DMBT1: variants seen among roughly 807,000 people sequenced by gnomAD.
The protein encoded by DMBT1 is scavenger receptor cysteine-rich domain-containing protein DMBT1.
Under a neutral mutation model 252.9 loss-of-function variants are expected in DMBT1, and 198 were observed. The ratio of observed to expected loss-of-function variants is 0.78; its 90% CI spans 0.70 to 0.88. The LOEUF is 0.88. Among genes scored for constraint, DMBT1 ranks in the 40% least tolerant of loss-of-function variants. DMBT1 has a pLI of 0.00. For missense variants in DMBT1, 2,432 were observed against 2,404.7 expected, an observed-to-expected ratio of 1.01 and a Z score of -0.24; for synonymous variants, 990 against 942.7, an observed-to-expected ratio of 1.05 and a Z score of -0.92.
intron 4 of DMBT1, among the ~76,000 whole-genome samples, chr10:122,571,859 T>C (rs2097666920): frequency 6.6e-6 from 1 of 152,236 alleles, no homozygotes; most frequent in African/African-American, 2.4e-5. Context: ...TGCAGCCACC[T>C]TTTTGAGTGG....
chr10:122,618,596 G>A (rs538145143), intron 41 of DMBT1, among the ~76,000 whole-genome samples: 1 of 152,334 alleles, frequency 6.6e-6, no homozygotes, highest in South Asian at 2.1e-4. Context: ...CAAGGAAGAG[G>A]CAGAAGAGAA....
chr10:122,567,457 G>A (rs1180215463), intron 2 of DMBT1, among the ~76,000 whole-genome samples: 1 of 152,186 alleles, frequency 6.6e-6, no homozygotes, highest in Admixed American at 6.5e-5. Context: ...GTACTTTGGG[G>A]ATACCCTGAA....
At chr10:122,570,235 G>A (rs2133521197) in intron 3 of DMBT1, 26 bp downstream of exon 3, 1 of 1,531,396 alleles carries the variant, frequency 6.5e-7, no homozygotes, top group South Asian at 1.1e-5. Flanking sequence ...GGGGAACCCT[G>A]TGGGCTCATT....
chr10:122,591,518 G>C lies in DMBT1; in HGVS notation c.2176+1G>C, dbSNP rs1364139037. On this transcript the variant is annotated splice_donor_variant, in intron 19 of 55. Coordinates refer to ENST00000338354, the MANE Select transcript of DMBT1 (RefSeq NM_001377530.1). LOFTEE classifies it high-confidence loss of function. ...ATCACGTTACCTCCATCGACAGTAGGTAAATAATCCTCTCACCCCTCCCTA... is the reference window on the plus strand; with the variant it reads ...ATCACGTTACCTCCATCGACAGTAGCTAAATAATCCTCTCACCCCTCCCTA... 1.3e-6 allele frequency: 2 copies of C among 1,585,614 alleles called. No homozygotes were observed. Among genetic ancestry groups the C allele is most frequent in the African/African-American group, 1.3e-5 (1 of 74,638 alleles).
rs188804375 is a variant in DMBT1 at position 122,622,949 on chromosome 10, C to A, written c.5608+1569C>A. Among the ~76,000 whole-genome samples, 244 of 152,278 alleles carry A rather than the reference C, an allele frequency of 1.6e-3. 1 individual carries two copies. The highest frequency in any genetic ancestry group is 2.4e-3 in the Non-Finnish European group (162 of 68,028). ...GTTACCCCTCTATCCTGAGATGGAA[C>A]CTTCCCTCTCCCTGGCTGTTGCCCA... On this transcript the variant is annotated intron_variant, in intron 44 of 55. Transcript: ENST00000338354.
intron 48 of DMBT1, 22 bp downstream of exon 48, chr10:122,630,512 C>T (rs1452591214): frequency 6.2e-7 from 1 of 1,609,944 alleles, no homozygotes; most frequent in Admixed American, 1.7e-5. Flanking sequence ...CTAGACCATG[C>T]CTATGAGGCT....
chr10:122,589,877 A>G (rs2097832547), intron 17 of DMBT1, among the ~76,000 whole-genome samples: 1 of 148,698 alleles, frequency 6.7e-6, no homozygotes, highest in East Asian at 2.1e-4. Flanking sequence ...TGACCCAGAC[A>G]TGGCACATCA....
At chr10:122,618,822 G>A (rs186317553) in intron 41 of DMBT1, among the ~76,000 whole-genome samples, 89 of 152,366 alleles carry the variant, frequency 5.8e-4, no homozygotes, top group Non-Finnish European at 1.1e-3. Flanking sequence ...ATGCATGTCT[G>A]TTTGTGTCAG....
chr10:122,636,211 T>C lies in DMBT1; in HGVS notation c.6757+12T>C. 1.9e-6 allele frequency: 3 copies of C among 1,606,172 alleles called. No homozygotes were observed. Among genetic ancestry groups the C allele is most frequent in the Non-Finnish European group, 2.6e-6 (3 of 1,173,670 alleles). Reference sequence around the variant, plus strand: ...CAATGACAGCACCAGTAAGTCCCCTTGTGGAAATGCTCTGTTGGGACTGGG... The same window carrying C: ...CAATGACAGCACCAGTAAGTCCCCTCGTGGAAATGCTCTGTTGGGACTGGG... On this transcript the variant is annotated intron_variant, in intron 53 of 55. Coordinates refer to ENST00000338354, the MANE Select transcript of DMBT1 (RefSeq NM_001377530.1).
At chr10:122,617,086 C>G in intron 39 of DMBT1, 142 bp from the exon 40 acceptor site, 1 of 1,010,076 alleles carries the variant, frequency 9.9e-7, no homozygotes, top group African/African-American at 1.6e-5. Context: ...CAGAGGAGAC[C>G]TGGGAAGACA....
chr10:122,627,549 G>A (rs1304680349), intron 46 of DMBT1, among the ~76,000 whole-genome samples: 1 of 152,172 alleles, frequency 6.6e-6, no homozygotes, highest in Admixed American at 6.5e-5. Flanking sequence ...TAGTTAAACG[G>A]TTACTAATTG....
chr10:122,569,753 G>A (rs1196801903), intron 2 of DMBT1, among the ~76,000 whole-genome samples: 6 of 152,144 alleles, frequency 3.9e-5, no homozygotes, highest in South Asian at 2.1e-4. Context: ...GTATTCTTTC[G>A]AAACCACCTT....
rs1466832083 is a variant in DMBT1, at chr10:122,573,879, G to A, written c.283+117G>A. 3.0e-6 allele frequency: 4 copies of A among 1,313,330 alleles called. No homozygotes were observed. In the African/African-American group the frequency reaches 4.4e-5, roughly 14 times the overall value. The allele number at this position is 1,313,330 out of a possible 1,614,324, so 81.4% of individuals were successfully genotyped here. On this transcript the variant is annotated intron_variant, in intron 6 of 55. Coordinates refer to ENST00000338354, the MANE Select transcript of DMBT1 (RefSeq NM_001377530.1). ...AAAGTAGGGTGCTTAGCTCCCACGA[G>A]GGGCCCTTCCACAAAAGGCCTCAGG... is the stretch of plus-strand genomic sequence containing the variant.
chr10:122,618,143 A>G lies in DMBT1; in HGVS notation c.5018A>G (p.Asn1673Ser), dbSNP rs775911634. The part of the protein sequence containing the change: ...CDDYWDTNDA[N>S]VVCRQLGCGW... Reference sequence around the variant, plus strand: ...GACTACTGGGACACCAATGATGCCAACGTGGTCTGCAGGCAGCTGGGCTGT... The same window carrying G: ...GACTACTGGGACACCAATGATGCCAGCGTGGTCTGCAGGCAGCTGGGCTGT... Residue 1673 changes from asparagine (N) to serine (S), a missense_variant, in exon 41 of 56, where the codon AAC becomes AGC. Asn to Ser is a conservative substitution (Grantham distance 46). Around this residue, in one of 3 missense-constraint regions of DMBT1, gnomAD observed 1,162 missense variants for 1,169.0 expected, o/e 0.99. Coordinates refer to ENST00000338354, the MANE Select transcript of DMBT1 (RefSeq NM_001377530.1). 2.5e-6 allele frequency: 4 copies of G among 1,613,994 alleles called. No homozygotes were observed. The East Asian group carries it at 6.7e-5, about 27-fold the overall frequency.
intron 51 of DMBT1, 126 bp from the exon 52 acceptor site, chr10:122,633,065 T>G (rs2098179219): frequency 6.7e-7 from 1 of 1,495,408 alleles, no homozygotes; most frequent in Admixed American, 2.2e-5. Flanking sequence ...CTCTTGCTCT[T>G]ACTTGGTTTC....
chr10:122,586,461 C>T (rs1406782222), intron 16 of DMBT1, 78 bp downstream of exon 16: 1 of 1,538,546 alleles, frequency 6.5e-7, no homozygotes, highest in Non-Finnish European at 8.8e-7. Context: ...CTAATCTCCT[C>T]ACTTAGAGCT....
At position 122,580,445 on chromosome 10, in the gene DMBT1, C is replaced by T. The variant is rs565410030; in HGVS notation, c.1004-421C>T. Among the ~76,000 whole-genome samples, 23 of 152,292 alleles carry T rather than the reference C, an allele frequency of 1.5e-4. 1 individual carries two copies. The South Asian group carries it at 2.1e-3, about 14-fold the overall frequency. ...CTTCTCAGAACGCTGCTGAGCATTG[C>T]CTGTGTTCTAGGTCTGGTGAGGGGA... On this transcript the variant is annotated intron_variant, in intron 10 of 55. Coordinates refer to ENST00000338354, the MANE Select transcript of DMBT1 (RefSeq NM_001377530.1).
At chr10:122,574,337 G>A (rs1432478445) in intron 6 of DMBT1, among the ~76,000 whole-genome samples, 1 of 152,184 alleles carries the variant, frequency 6.6e-6, no homozygotes, top group African/African-American at 2.4e-5. Context: ...GGCAGCCTGG[G>A]CTTTGGGAAG....
chr10:122,575,276 A>G (rs969097427), intron 6 of DMBT1, among the ~76,000 whole-genome samples: 1 of 152,180 alleles, frequency 6.6e-6, no homozygotes. Flanking sequence ...CCTCTTCTGG[A>G]GTTCTGTATA....
Sources: allele counts gnomAD v4.1 joint callset (sites outside exome capture counted in the v4.1 genomes callset), GRCh38; gene constraint gnomAD v4.1.1; regional missense constraint gnomAD v4.1.1; transcripts MANE v1.5; gene names NCBI Gene and HGNC (gene_info 2026-07-23, HGNC 2026-07-21).